Variants in TMEM40 observed in about 807,000 individuals in gnomAD.
TMEM40 encodes the protein transmembrane protein 40.
A neutral mutation model predicts 40.8 loss-of-function variants in TMEM40; 34 were observed. That is an observed-to-expected ratio of 0.83 (90% confidence interval 0.63 to 1.11). The LOEUF (loss-of-function observed/expected upper bound fraction) is 1.11. Ranked by LOEUF, TMEM40 falls within the 50% of genes least tolerant of loss-of-function variation. TMEM40 has a pLI of 0.00. For synonymous variants in TMEM40, 106 were observed against 107.0 expected (o/e 0.99, Z 0.06); for missense variants, 296 against 280.2 (o/e 1.06, Z -0.40).
chr3:12,760,529 C>T (rs1175822207), upstream of TMEM40, among the ~76,000 whole-genome samples: 1 of 152,012 alleles, frequency 6.6e-6, no homozygotes, highest in Admixed American at 6.6e-5. Flanking sequence ...CACCTGGCCC[C>T]CCGCTCACTT....
intron 2 of TMEM40, 116 bp from the exon 3 acceptor site, chr3:12,748,908 T>C: frequency 1.1e-6 from 1 of 885,464 alleles, no homozygotes. Flanking sequence ...GACTGGATTA[T>C]CTTCCCAAAT....
intron 1 of TMEM40, among the ~76,000 whole-genome samples, chr3:12,764,446 G>C (rs922084719): frequency 2.6e-5 from 4 of 152,162 alleles, no homozygotes; most frequent in Non-Finnish European, 4.4e-5. Context: ...CTCTTTCTAT[G>C]CCTTCATGGA....
At chr3:12,756,362 G>T (rs1356355401) in intron 1 of TMEM40, among the ~76,000 whole-genome samples, 1 of 152,070 alleles carries the variant, frequency 6.6e-6, no homozygotes, top group East Asian at 1.9e-4. Flanking sequence ...GGGTGCCAAC[G>T]GCATGCTTCT....
intron 1 of TMEM40, among the ~76,000 whole-genome samples, chr3:12,755,233 C>CTCTTTCTT (rs749104547): frequency 0.067 from 4,020 of 59,886 alleles, 238 homozygotes; most frequent in Middle Eastern, 0.1. Context: ...CTCTCTCTCT[C>CTCTTTCTT]TCTTTCTTTC....
At chr3:12,736,209 C>T (rs1295628167) in intron 10 of TMEM40, among the ~76,000 whole-genome samples, 1 of 149,510 alleles carries the variant, frequency 6.7e-6, no homozygotes, top group Non-Finnish European at 1.5e-5. Flanking sequence ...AGTGCAGTGG[C>T]ACAAGCTTGG....
upstream of TMEM40, among the ~76,000 whole-genome samples, chr3:12,764,177 G>A (rs946967983): frequency 1.2e-4 from 19 of 152,154 alleles, no homozygotes; most frequent in Admixed American, 1.0e-3. Context: ...GCCTCCCAAA[G>A]TGTTGGTATT....
intron 1 of TMEM40, among the ~76,000 whole-genome samples, chr3:12,756,497 T>C (rs1316201212): frequency 1.3e-5 from 2 of 152,200 alleles, no homozygotes; most frequent in Non-Finnish European, 2.9e-5. Context: ...TTGTTCCAGA[T>C]TTAGGGACAA....
chr3:12,736,873 T>C (rs1335701200), intron 8 of TMEM40, 38 bp from the exon 9 acceptor site: 3 of 1,613,346 alleles, frequency 1.9e-6, no homozygotes, highest in East Asian at 4.5e-5. Context: ...ATCTGCTGCT[T>C]TCTCTCTCTT....
At chr3:12,735,203 A>G (rs1436104027) in intron 11 of TMEM40, among the ~76,000 whole-genome samples, 1 of 152,238 alleles carries the variant, frequency 6.6e-6, no homozygotes, top group Non-Finnish European at 1.5e-5. Flanking sequence ...CTATTAGGCA[A>G]GTACAGCCAT....
In TMEM40 at chr3:12,734,593, T is replaced by G; in HGVS notation, c.*181A>C. On this transcript the variant is annotated 3_prime_UTR_variant, in exon 12 of 12. Transcript: ENST00000314124. ...GGGTTGCACAGCAGTACTGCCCAAA[T>G]GAGATGCCCCTGCCCGGGCTGGTGC... The G allele has an allele frequency of 9.3e-5, 64 of 691,858 alleles. No homozygotes were observed. The highest frequency in any genetic ancestry group is 1.4e-4 in the Non-Finnish European group (59 of 409,540). 42.9% of individuals were successfully genotyped at this position (691,858 alleles called of 1,614,324 possible).
intron 11 of TMEM40, 117 bp downstream of exon 11, chr3:12,735,438 C>G: frequency 9.5e-7 from 1 of 1,047,302 alleles, no homozygotes; most frequent in Middle Eastern, 2.0e-4. Context: ...AGAGGTAGGA[C>G]TCAAACCTGG....
At chr3:12,755,217 C>T (rs56307907) in intron 1 of TMEM40, among the ~76,000 whole-genome samples, 8,520 of 80,154 alleles carry the variant, frequency 0.11, 448 homozygotes, top group African/African-American at 0.17. Flanking sequence ...CTTTCTTTCT[C>T]TCTCTCTCTC....
At chr3:12,740,311 A>G (rs1227625080) in intron 5 of TMEM40, among the ~76,000 whole-genome samples, 2 of 150,608 alleles carry the variant, frequency 1.3e-5, no homozygotes, top group African/African-American at 4.9e-5. Flanking sequence ...GCTGGTCTTG[A>G]ACTCCCAACC....
chr3:12,765,415 C>T (rs948783041), intron 1 of TMEM40, among the ~76,000 whole-genome samples: 6 of 151,806 alleles, frequency 4.0e-5, no homozygotes, highest in African/African-American at 7.3e-5. Flanking sequence ...GGGGTGCCAA[C>T]GAAGAGCCCA....
intron 1 of TMEM40, among the ~76,000 whole-genome samples, chr3:12,768,866 C>T (rs562729313): frequency 4.7e-4 from 67 of 142,448 alleles, no homozygotes; most frequent in Non-Finnish European, 8.3e-4. Context: ...TGGGGAGGCT[C>T]GGCCCTGCAG....
rs1168271480 is a variant in TMEM40 at position 12,745,314 on chromosome 3, C to T, written c.212-1325G>A. On this transcript the variant is annotated intron_variant, in intron 3 of 11. Coordinates refer to ENST00000314124, the MANE Select transcript of TMEM40 (RefSeq NM_018306.4). The stretch of plus-strand genomic sequence containing the variant: ...AATTCCTGACCTCAGGTGATCCACC[C>T]ACCTTGGACTCCCAAAGTGTTGGAA... 4.0e-5 allele frequency among the ~76,000 whole-genome samples: 6 copies of T among 151,508 alleles called. No individual in the cohort carries two copies. The South Asian group carries it at 1.3e-3, about 32-fold the overall frequency.
intron 5 of TMEM40, 109 bp downstream of exon 5, chr3:12,742,345 C>T (rs1382285094): frequency 3.8e-6 from 5 of 1,325,360 alleles, no homozygotes. Flanking sequence ...CTGTATTTGG[C>T]TGGGACTTTT....
At chr3:12,760,348 G>A (rs1424469346), upstream of TMEM40, among the ~76,000 whole-genome samples, 2 of 152,006 alleles carry the variant, frequency 1.3e-5, no homozygotes, top group African/African-American at 4.8e-5. Context: ...ACAAGCCCCT[G>A]CGAGATCTTC....
At chr3:12,768,849 C>T (rs1028851975) in intron 1 of TMEM40, among the ~76,000 whole-genome samples, 8 of 148,924 alleles carry the variant, frequency 5.4e-5, no homozygotes, top group African/African-American at 1.2e-4. Flanking sequence ...CAGGGGGCAG[C>T]GCTCATTGGG....
Sources: allele counts gnomAD v4.1 joint callset (sites outside exome capture counted in the v4.1 genomes callset), GRCh38; gene constraint gnomAD v4.1.1; transcripts MANE v1.5; gene names NCBI Gene and HGNC (gene_info 2026-07-23, HGNC 2026-07-21).